TAFA1: variants seen among roughly 807,000 people sequenced by gnomAD.
TAFA1 encodes chemokine-like protein TAFA-1.
In TAFA1, 4 loss-of-function variants were observed where a neutral mutation model predicts 18.5. The ratio of observed to expected loss-of-function variants is 0.22; its 90% CI spans 0.11 to 0.49. The LOEUF (loss-of-function observed/expected upper bound fraction) is 0.49, where lower values mean the gene tolerates loss of function less well. Among genes scored for constraint, TAFA1 ranks in the 20% least tolerant of loss-of-function variants. TAFA1 has a pLI of 0.98. For synonymous variants in TAFA1, 56 were observed against 55.2 expected (o/e 1.01, Z -0.06); for missense variants, 147 against 169.0 (o/e 0.87, Z 0.72).
intron 2 of TAFA1, among the ~76,000 whole-genome samples, chr3:68,075,878 G>A (rs772269817): frequency 4.1e-4 from 62 of 152,058 alleles, no homozygotes; most frequent in African/African-American, 1.3e-3. Context: ...TGCATTTTTC[G>A]CAGAGATGGG....
chr3:68,097,357 C>T (rs1197768588), intron 2 of TAFA1, among the ~76,000 whole-genome samples: 1 of 152,134 alleles, frequency 6.6e-6, no homozygotes, highest in African/African-American at 2.4e-5. Flanking sequence ...CAGTTTGTTT[C>T]TACTTATGTG....
rs141118379 is a variant in TAFA1, at chr3:68,473,361, G to T, written c.259+55941G>T. Among the ~76,000 whole-genome samples the T allele has an allele frequency of 9.2e-5, 14 of 152,256 alleles. No individual in the cohort carries two copies. The East Asian group carries it at 2.7e-3, about 29-fold the overall frequency. On this transcript the variant is annotated intron_variant, in intron 3 of 4. Coordinates refer to ENST00000478136, the MANE Select transcript of TAFA1 (RefSeq NM_213609.4). The stretch of plus-strand genomic sequence containing the variant: ...GATTGATTACAGTGATTATTATGTT[G>T]TGAATTGATGACAGACAATCCACAA...
chr3:68,059,040 T>C (rs1278872236), intron 2 of TAFA1, among the ~76,000 whole-genome samples: 3 of 152,186 alleles, frequency 2.0e-5, no homozygotes, highest in Non-Finnish European at 4.4e-5. Context: ...ATCACTTTCA[T>C]GGTATAAATG....
At chr3:68,444,343 G>A (rs942963028) in intron 3 of TAFA1, among the ~76,000 whole-genome samples, 1 of 152,128 alleles carries the variant, frequency 6.6e-6, no homozygotes, top group Non-Finnish European at 1.5e-5. Flanking sequence ...CACATCCAAT[G>A]TAATTCCCTA....
intron 2 of TAFA1, among the ~76,000 whole-genome samples, chr3:68,079,182 G>T (rs574229278): frequency 6.6e-6 from 1 of 151,994 alleles, no homozygotes; most frequent in African/African-American, 2.4e-5. Flanking sequence ...TTTTATTGCC[G>T]TCTATTTGAT....
At chr3:68,413,416 C>T (rs2070753945) in intron 2 of TAFA1, among the ~76,000 whole-genome samples, 1 of 151,986 alleles carries the variant, frequency 6.6e-6, no homozygotes. Flanking sequence ...TGGTATTGGG[C>T]ACATAGGAAA....
rs563987751 is a variant in TAFA1, at chr3:68,506,574, G to C, written c.260-32182G>C. 5.3e-5 allele frequency among the ~76,000 whole-genome samples: 8 copies of C among 152,160 alleles called. No individual in the cohort carries two copies. In the East Asian group the frequency reaches 1.5e-3, roughly 29 times the overall value. ...GGAAACACTGTGTGGGCATAATCAG[G>C]GCAACGCTGTGCTCCACTGGTATGC... On this transcript the variant is annotated intron_variant, in intron 3 of 4. Coordinates refer to ENST00000478136, the MANE Select transcript of TAFA1 (RefSeq NM_213609.4).
chr3:68,403,005 A>G (rs951548319), intron 2 of TAFA1, among the ~76,000 whole-genome samples: 3 of 152,200 alleles, frequency 2.0e-5, no homozygotes, highest in African/African-American at 7.2e-5. Flanking sequence ...CTATAAGATA[A>G]CATGGTATAA....
chr3:68,173,094 A>G (rs537758920), intron 2 of TAFA1, among the ~76,000 whole-genome samples: 44 of 152,232 alleles, frequency 2.9e-4, no homozygotes, highest in African/African-American at 1.0e-3. Flanking sequence ...CTCAGTACAA[A>G]AAAGTATCCC....
At chr3:68,135,470 T>C (rs939393130) in intron 2 of TAFA1, among the ~76,000 whole-genome samples, 6 of 152,210 alleles carry the variant, frequency 3.9e-5, no homozygotes, top group African/African-American at 1.4e-4. Context: ...GCACACACTC[T>C]AGAGTCTACA....
In TAFA1 at chr3:68,528,596, G is replaced by A. The variant is rs550975140; in HGVS notation, c.260-10160G>A. 5.9e-5 allele frequency among the ~76,000 whole-genome samples: 9 copies of A among 152,278 alleles called. No homozygotes were observed. In the South Asian group the frequency reaches 1.9e-3, roughly 32 times the overall value. On this transcript the variant is annotated intron_variant, in intron 3 of 4. Transcript: ENST00000478136. ...CTGTTCCAACAACCAGTGCAAAAAGGGAGGCTGGAGATCTGTCCCATCCTT... is the reference window on the plus strand; with the variant it reads ...CTGTTCCAACAACCAGTGCAAAAAGAGAGGCTGGAGATCTGTCCCATCCTT...
intron 2 of TAFA1, among the ~76,000 whole-genome samples, chr3:68,348,470 G>A (rs2069204781): frequency 6.6e-6 from 1 of 152,066 alleles, no homozygotes; most frequent in African/African-American, 2.4e-5. Flanking sequence ...TTACTCATAT[G>A]CTTTCTTGAA....
At chr3:68,336,002 T>C (rs1420559157) in intron 2 of TAFA1, among the ~76,000 whole-genome samples, 2 of 148,664 alleles carry the variant, frequency 1.3e-5, no homozygotes, top group African/African-American at 2.4e-5. Flanking sequence ...AAGTGGCAGG[T>C]TATTAAGAAA....
At chr3:68,129,301 C>T (rs185499858) in intron 2 of TAFA1, among the ~76,000 whole-genome samples, 426 of 152,182 alleles carry the variant, frequency 2.8e-3, no homozygotes, top group African/African-American at 9.1e-3. Context: ...ATAGAAGCCA[C>T]ACAAGTTGAA....
intron 2 of TAFA1, among the ~76,000 whole-genome samples, chr3:68,044,716 G>T (rs1301034210): frequency 1.3e-5 from 2 of 152,160 alleles, no homozygotes; most frequent in Non-Finnish European, 2.9e-5. Flanking sequence ...TTAGAATTGG[G>T]CCAGAATTCA....
At chr3:68,034,527 A>T (rs925471366) in intron 2 of TAFA1, among the ~76,000 whole-genome samples, 1 of 152,204 alleles carries the variant, frequency 6.6e-6, no homozygotes, top group East Asian at 1.9e-4. Context: ...ATACTCTTCA[A>T]TGTTAGCTTA....
chr3:68,352,050 C>T (rs1007793581), intron 2 of TAFA1, among the ~76,000 whole-genome samples: 6 of 151,762 alleles, frequency 4.0e-5, no homozygotes, highest in African/African-American at 9.7e-5. Context: ...GATGTATAAT[C>T]GAAATAAGAA....
intron 2 of TAFA1, among the ~76,000 whole-genome samples, chr3:68,075,727 T>A (rs899027700): frequency 2.0e-5 from 3 of 151,470 alleles, no homozygotes; most frequent in Non-Finnish European, 2.9e-5. Context: ...GACAAGGTTT[T>A]GCTCTGTCAC....
intron 2 of TAFA1, among the ~76,000 whole-genome samples, chr3:68,034,767 A>G (rs912335963): frequency 1.3e-5 from 2 of 152,132 alleles, no homozygotes; most frequent in African/African-American, 2.4e-5. Context: ...TGGGAACACT[A>G]TAGATTGGGG....
Sources: allele counts gnomAD v4.1 joint callset (sites outside exome capture counted in the v4.1 genomes callset), GRCh38; gene constraint gnomAD v4.1.1; transcripts MANE v1.5; gene names NCBI Gene and HGNC (gene_info 2026-07-23, HGNC 2026-07-21).